The following RBPMS2 variants were observed in gnomAD, a reference collection of about 807,000 sequenced individuals.
The protein encoded by RBPMS2 is RNA binding protein, mRNA processing factor 2.
Under a neutral mutation model 25.7 loss-of-function variants are expected in RBPMS2, and 14 were observed. That is an observed-to-expected ratio of 0.55 (90% confidence interval 0.36 to 0.85). RBPMS2 has a LOEUF of 0.85. Ranked by LOEUF, RBPMS2 falls within the 40% of genes least tolerant of loss-of-function variation. The pLI, the probability that RBPMS2 is intolerant of heterozygous loss-of-function variation, is 0.01. For synonymous variants in RBPMS2, 127 were observed against 115.6 expected (o/e 1.10, Z -0.63); for missense variants, 252 against 283.4 (o/e 0.89, Z 0.80).
chr15:64,749,911 C>G lies in RBPMS2; in HGVS notation c.205-418G>C, dbSNP rs148470396. ...CTATCAAGGAGCAATAGGTTGAAAA[C>G]TGCTCCAACTTCATTTTCCCAAGGA... On this transcript the variant is annotated intron_variant, in intron 3 of 7. Transcript: ENST00000300069. 5.6e-3 allele frequency among the ~76,000 whole-genome samples: 854 copies of G among 152,312 alleles called. 12 individuals are homozygous for G. Among genetic ancestry groups the G allele is most frequent in the African/African-American group, 0.02 (822 of 41,572 alleles).
intron 6 of RBPMS2, among the ~76,000 whole-genome samples, chr15:64,741,444 C>G (rs149611740): frequency 6.6e-6 from 1 of 152,318 alleles, no homozygotes; most frequent in African/African-American, 2.4e-5. Flanking sequence ...GCCTCCTCTG[C>G]AGGACACAGG....
At chr15:64,761,094 A>G (rs1040354398) in intron 1 of RBPMS2, 4 of 152,096 alleles carry the variant, frequency 2.6e-5, no homozygotes. Context: ...TTAGAATTCA[A>G]TCTGGAAAGG....
rs1401932887 is a variant in RBPMS2 at position 64,740,955 on chromosome 15, C to T, written c.*53G>A. ...GCAGTGGGAACTCGGGGCGCCTGTC[C>T]CGGCACCACCACAGATTACCAGAAC... On this transcript the variant is annotated 3_prime_UTR_variant, in exon 8 of 8. Transcript: ENST00000300069. 1.4e-5 allele frequency: 7 copies of T among 495,984 alleles called. No individual in the cohort carries two copies. The East Asian group carries it at 2.1e-4, about 15-fold the overall frequency. The allele number at this position is 495,984 out of a possible 1,614,324, so 30.7% of individuals were successfully genotyped here.
At chr15:64,765,351 G>C (rs944181010) in intron 1 of RBPMS2, among the ~76,000 whole-genome samples, 1 of 150,412 alleles carries the variant, frequency 6.6e-6, no homozygotes, top group Non-Finnish European at 1.5e-5. Flanking sequence ...GGAGGTGGAG[G>C]CTGTAGTAAG....
At chr15:64,741,341 T>C in intron 6 of RBPMS2, 99 bp from the exon 7 acceptor site, 1 of 909,458 alleles carries the variant, frequency 1.1e-6, no homozygotes, top group Non-Finnish European at 1.7e-6. Context: ...GAGTCCTGGT[T>C]CTGTCACTGA....
chr15:64,748,970 G>T lies in RBPMS2; in HGVS notation c.418+30C>A, dbSNP rs1266540629. The T allele has an allele frequency of 5.0e-6, 8 of 1,612,154 alleles. No individual in the cohort carries two copies. The East Asian group carries it at 1.6e-4, about 31-fold the overall frequency. On this transcript the variant is annotated intron_variant, in intron 5 of 7. Transcript: ENST00000300069. ...AAGTCTGCCCTGAATGCAACTCCAT[G>T]AGGGCCTGCCAGCTCAGAGTGCCAC...
chr15:64,761,907 C>A (rs2141071667), intron 1 of RBPMS2, among the ~76,000 whole-genome samples: 1 of 151,974 alleles, frequency 6.6e-6, no homozygotes. Flanking sequence ...GGGGTTCCAC[C>A]ATGTTGGCCA....
chr15:64,740,177 C>A lies in RBPMS2; in HGVS notation c.*831G>T, dbSNP rs1044955337. The A allele has an allele frequency of 6.6e-6, 1 of 152,408 alleles. No individual in the cohort carries two copies. The highest frequency in any genetic ancestry group is 1.5e-5 in the Non-Finnish European group (1 of 68,050). The allele number at this position is 152,408 out of a possible 1,614,324, so 9.4% of individuals were successfully genotyped here. A position where few individuals can be genotyped will look rare whatever the true frequency, so the allele number is the denominator to read the frequency against. On this transcript the variant is annotated 3_prime_UTR_variant, in exon 8 of 8. Transcript: ENST00000300069. ...TAAACATTAAACTTATCTGACAGGG[C>A]GAACGAGGTCGCTTTAATAATTAAT...
intron 1 of RBPMS2, among the ~76,000 whole-genome samples, chr15:64,769,829 A>G (rs963904355): frequency 1.4e-4 from 21 of 152,154 alleles, no homozygotes; most frequent in Non-Finnish European, 1.5e-5. Context: ...ACTAGTCCGG[A>G]GTCAGCCTCT....
At chr15:64,774,342 C>G (rs900525412) in intron 1 of RBPMS2, among the ~76,000 whole-genome samples, 1 of 152,208 alleles carries the variant, frequency 6.6e-6, no homozygotes, top group Non-Finnish European at 1.5e-5. Context: ...TACTCCAGTT[C>G]TTGTCTCCGC....
In RBPMS2 at chr15:64,748,560, C is replaced by T. The variant is rs1180934743; in HGVS notation, c.426G>A (p.Leu142=). The T allele has an allele frequency of 2.6e-6, 4 of 1,555,436 alleles. No individual in the cohort carries two copies. Among genetic ancestry groups the T allele is most frequent in the Non-Finnish European group, 3.5e-6 (4 of 1,152,712 alleles). ...ATGCAGGGATCAGAGCAGCCCCCATCAGGTCATCTACAACAGGAGACAATG... is the reference window on the plus strand; with the variant it reads ...ATGCAGGGATCAGAGCAGCCCCCATTAGGTCATCTACAACAGGAGACAATG... ...AHFIARDPYD[L]MGAALIPASP... The change falls in exon 6 of 8, where the codon CTG becomes CTA. Residue 142 remains leucine, a synonymous_variant. Coordinates refer to ENST00000300069, the MANE Select transcript of RBPMS2 (RefSeq NM_194272.3).
intron 1 of RBPMS2, among the ~76,000 whole-genome samples, chr15:64,766,206 T>C (rs2083844579): frequency 6.6e-6 from 1 of 152,160 alleles, no homozygotes; most frequent in Non-Finnish European, 1.5e-5. Context: ...GTCAAGAGCC[T>C]CTGCTCAGTT....
intron 6 of RBPMS2, among the ~76,000 whole-genome samples, chr15:64,747,978 G>C (rs866065954): frequency 2.9e-4 from 42 of 143,286 alleles, no homozygotes; most frequent in South Asian, 2.7e-3. Flanking sequence ...CAGATTATCT[G>C]ATCATTCCCA....
chr15:64,766,284 G>GCTGCA (rs1312213349), intron 1 of RBPMS2, among the ~76,000 whole-genome samples: 1 of 151,978 alleles, frequency 6.6e-6, no homozygotes, highest in African/African-American at 2.4e-5. Context: ...CCCAGGCCCT[G>GCTGCA]CTGCACTCCA....
At chr15:64,755,361 T>C (rs972471257) in intron 1 of RBPMS2, among the ~76,000 whole-genome samples, 4 of 152,118 alleles carry the variant, frequency 2.6e-5, no homozygotes, top group South Asian at 4.1e-4. Flanking sequence ...ACAGATGCTC[T>C]GTGGGGAGCA....
At chr15:64,764,363 A>G (rs1384054853) in intron 1 of RBPMS2, among the ~76,000 whole-genome samples, 2 of 151,892 alleles carry the variant, frequency 1.3e-5, no homozygotes, top group Non-Finnish European at 2.9e-5. Flanking sequence ...AATACCTCCA[A>G]CCCTTAAACC....
chr15:64,773,034 T>C (rs1353758721), intron 1 of RBPMS2, among the ~76,000 whole-genome samples: 1 of 152,176 alleles, frequency 6.6e-6, no homozygotes, highest in Non-Finnish European at 1.5e-5. Context: ...CCAGCGCCTT[T>C]AGGAATTGAG....
chr15:64,773,617 C>CAA (rs933036788), intron 1 of RBPMS2, among the ~76,000 whole-genome samples: 5 of 152,280 alleles, frequency 3.3e-5, no homozygotes, highest in African/African-American at 1.2e-4. Context: ...CCTTCTCACC[C>CAA]AACAGCAGTG....
chr15:64,751,508 T>G, intron 2 of RBPMS2, 53 bp downstream of exon 2: 4 of 1,506,324 alleles, frequency 2.7e-6, no homozygotes, highest in Non-Finnish European at 3.7e-6. Context: ...TCACTCCCGC[T>G]GCTTCTCCAG....
Sources: allele counts gnomAD v4.1 joint callset (sites outside exome capture counted in the v4.1 genomes callset), GRCh38; gene constraint gnomAD v4.1.1; transcripts MANE v1.5; gene names NCBI Gene and HGNC (gene_info 2026-07-23, HGNC 2026-07-21).